PRDM2: variants seen among roughly 807,000 people sequenced by gnomAD.
PRDM2 encodes PR/SET domain 2, also known as PR domain zinc finger protein 2.
PRDM2 carries 30 observed loss-of-function variants against 130.0 expected under a neutral mutation model. The observed-to-expected ratio is 0.23, with a 90% CI of 0.17 to 0.31. PRDM2 has a LOEUF of 0.31. PRDM2 is among the 10% of genes least tolerant of loss of function. PRDM2 has a pLI of 1.00. For missense variants in PRDM2, 2,011 were observed against 2,108.4 expected (o/e 0.95, Z 0.90); for synonymous variants, 871 against 782.4 (o/e 1.11, Z -1.89).
intron 8 of PRDM2, among the ~76,000 whole-genome samples, chr1:13,796,285 C>T (rs1242002932): frequency 6.6e-6 from 1 of 152,174 alleles, no homozygotes; most frequent in African/African-American, 2.4e-5. Flanking sequence ...TACTTCCTGG[C>T]ATCCTTCAGA....
At chr1:13,750,094 T>A (rs551188024) in intron 6 of PRDM2, among the ~76,000 whole-genome samples, 2 of 152,300 alleles carry the variant, frequency 1.3e-5, no homozygotes, top group South Asian at 4.1e-4. Context: ...GAGAGCGTGT[T>A]GTTTTGTCGT....
At chr1:13,784,067 A>G (rs1184945873) in intron 8 of PRDM2, among the ~76,000 whole-genome samples, 3 of 152,232 alleles carry the variant, frequency 2.0e-5, no homozygotes, top group Non-Finnish European at 2.9e-5. Flanking sequence ...TGAATGATTT[A>G]CTGTAGGATT....
chr1:13,783,096 A>C, intron 8 of PRDM2: 1 of 737,102 alleles, frequency 1.4e-6, no homozygotes, highest in Middle Eastern at 2.5e-4. Flanking sequence ...ACTATAGAAA[A>C]GCTCTCAAAA....
At position 13,737,803 on chromosome 1, in the gene PRDM2, A is replaced by G. The variant is rs185600287; in HGVS notation, c.232-4202A>G. Among the ~76,000 whole-genome samples, 9 of 152,162 alleles carry G rather than the reference A, an allele frequency of 5.9e-5. No homozygotes were observed. The East Asian group carries it at 1.7e-3, about 29-fold the overall frequency. ...AAAAAAAAACTCTCTTTGGGAGTTT[A>G]TTTATTCATTCATTTAACCCCTATT... On this transcript the variant is annotated intron_variant, in intron 4 of 9. Transcript: ENST00000311066.
chr1:13,778,200 T>TA (rs1644521882), intron 7 of PRDM2, among the ~76,000 whole-genome samples: 1 of 152,234 alleles, frequency 6.6e-6, no homozygotes, highest in African/African-American at 2.4e-5. Flanking sequence ...TATTGCCTGG[T>TA]ACGTGGCTGG....
intron 6 of PRDM2, among the ~76,000 whole-genome samples, chr1:13,766,726 T>C (rs550544855): frequency 3.9e-5 from 6 of 152,346 alleles, no homozygotes; most frequent in East Asian, 3.8e-4. Context: ...TGCACAGATA[T>C]TTAATTCTGA....
intron 7 of PRDM2, among the ~76,000 whole-genome samples, chr1:13,775,643 A>G (rs1371904822): frequency 2.0e-5 from 3 of 152,208 alleles, no homozygotes; most frequent in Admixed American, 2.0e-4. Flanking sequence ...CTAGGACTGA[A>G]TAAGTGAGCT....
Position 13,823,265 on chromosome 1 carries a change from A to G in PRDM2, c.*130A>G, listed in dbSNP as rs776367739. 91 of 1,494,078 alleles carry G rather than the reference A, an allele frequency of 6.1e-5. No individual in the cohort carries two copies. The highest frequency in any genetic ancestry group is 8.3e-5 in the Non-Finnish European group (89 of 1,076,926). The allele number at this position is 1,494,078 out of a possible 1,614,324, so 92.6% of individuals were successfully genotyped here. A position where few individuals can be genotyped will look rare whatever the true frequency, so the allele number is the denominator to read the frequency against. On this transcript the variant is annotated 3_prime_UTR_variant, in exon 10 of 10. Coordinates refer to ENST00000311066, the MANE Select transcript of PRDM2 (RefSeq NM_001393986.1). ...TGAGGCTGCGAGAGAAAGGGAGTGC[A>G]TGTGCGCGCGTGCATGTGTGCGTGC...
intron 6 of PRDM2, among the ~76,000 whole-genome samples, chr1:13,766,888 A>AT (rs1365332549): frequency 2.0e-5 from 3 of 152,246 alleles, no homozygotes; most frequent in Non-Finnish European, 4.4e-5. Flanking sequence ...GGCTCCCAGA[A>AT]TTTTGCATTC....
chr1:13,772,103 G>A (rs1434814796), intron 6 of PRDM2: 1 of 152,284 alleles, frequency 6.6e-6, no homozygotes, highest in African/African-American at 2.4e-5. Context: ...GGAAGCTGGT[G>A]GAGGTTTGTC....
chr1:13,723,950 T>C (rs888543722), intron 2 of PRDM2, among the ~76,000 whole-genome samples: 1 of 152,174 alleles, frequency 6.6e-6, no homozygotes, highest in Admixed American at 6.5e-5. Context: ...GAGAGGTGAT[T>C]AACCAAGCCA....
chr1:13,809,754 A>G (rs920411212), intron 8 of PRDM2, among the ~76,000 whole-genome samples: 5 of 152,232 alleles, frequency 3.3e-5, no homozygotes, highest in African/African-American at 9.6e-5. Context: ...CCCCGTGTTC[A>G]GATCCTAATC....
In PRDM2 at chr1:13,728,539, G is replaced by A. The variant is rs12563501; in HGVS notation, c.10-2461G>A. Among the ~76,000 whole-genome samples the A allele has an allele frequency of 3.1e-3, 477 of 152,262 alleles. 2 individuals carry two copies. Among genetic ancestry groups the A allele is most frequent in the Middle Eastern group, 0.01 (3 of 294 alleles). ...AGGGAGGGCCCTGGGGCTGCCCAGC[G>A]TCTGGGTTGTGCTGCTGTGAACTGA... is the stretch of plus-strand genomic sequence containing the variant. On this transcript the variant is annotated intron_variant, in intron 2 of 9. Coordinates refer to ENST00000311066, the MANE Select transcript of PRDM2 (RefSeq NM_001393986.1).
intron 1 of PRDM2, chr1:13,705,145 G>A (rs1399352586): frequency 6.6e-6 from 1 of 152,152 alleles, no homozygotes; most frequent in East Asian, 1.9e-4. Flanking sequence ...AATGGAGTAC[G>A]AGTGATTTTC....
rs1198199098 is a variant in PRDM2, at chr1:13,779,295, G to A, written c.1500G>A (p.Arg500=). 1.2e-6 allele frequency: 2 copies of A among 1,614,004 alleles called. No individual in the cohort carries two copies. The highest frequency in any genetic ancestry group is 1.7e-5 in the Admixed American group (1 of 60,018). The change falls in exon 8 of 10, where the codon CGG becomes CGA. Residue 500 remains arginine (R), a synonymous_variant. Transcript: ENST00000311066. The surrounding 1 kb of genome is among the most constrained non-coding windows in gnomAD (Gnocchi z 4.9). ...KVFGTHTNMR[R]HQRRVHERHL... ...TTGGAACTCATACTAATATGAGACGGCATCAGCGTAGAGTTCACGAACGTC... is the reference window on the plus strand; with the variant it reads ...TTGGAACTCATACTAATATGAGACGACATCAGCGTAGAGTTCACGAACGTC...
chr1:13,753,901 G>A (rs1478573525), intron 6 of PRDM2, among the ~76,000 whole-genome samples: 1 of 152,216 alleles, frequency 6.6e-6, no homozygotes, highest in Non-Finnish European at 1.5e-5. Context: ...ACTATTCTGG[G>A]TGCTGGAGTT....
intron 8 of PRDM2, among the ~76,000 whole-genome samples, chr1:13,805,244 A>G (rs182151266): frequency 1.3e-5 from 2 of 152,292 alleles, no homozygotes; most frequent in East Asian, 3.9e-4. Context: ...TTTTACAGGC[A>G]AGACTTCTAT....
chr1:13,817,578 A>C (rs570358506), intron 9 of PRDM2, among the ~76,000 whole-genome samples: 25 of 151,284 alleles, frequency 1.7e-4, no homozygotes, highest in African/African-American at 6.1e-4. Flanking sequence ...GACCTCATAC[A>C]TCAGAAGATC....
intron 2 of PRDM2, among the ~76,000 whole-genome samples, chr1:13,716,689 T>A (rs1329357866): frequency 6.6e-6 from 1 of 152,200 alleles, no homozygotes. Flanking sequence ...GTAGAGCCAG[T>A]TATGTGGATC....
Sources: gnomAD v4.1 joint callset for allele counts (sites outside exome capture counted in the v4.1 genomes callset) on GRCh38, gnomAD v4.1.1 for gene constraint, Gnocchi (gnomAD v3.1) non-coding constraint, MANE v1.5 for transcripts, NCBI Gene and HGNC (gene_info 2026-07-23, HGNC 2026-07-21) for gene names.